The following PDE4C variants were observed in gnomAD, a reference collection of about 807,000 sequenced individuals.
PDE4C encodes 3',5'-cyclic-AMP phosphodiesterase 4C.
PDE4C carries 50 observed loss-of-function variants against 63.9 expected under a neutral mutation model. That is an observed-to-expected ratio of 0.78 (90% CI 0.62 to 0.99). The LOEUF is 0.99. Among genes scored for constraint, PDE4C ranks in the 50% least tolerant of loss-of-function variants. The pLI is 0.00. For missense variants in PDE4C, 777 were observed against 899.1 expected (o/e 0.86, Z 1.74); for synonymous variants, 377 against 385.1 (o/e 0.98, Z 0.25).
At chr19:18,212,584 C>T (rs996683922) in intron 13 of PDE4C, among the ~76,000 whole-genome samples, 1 of 151,868 alleles carries the variant, frequency 6.6e-6, no homozygotes, top group Non-Finnish European at 1.5e-5. Context: ...AAGCAATCCT[C>T]ACACCTTGGC....
rs373558260 is a variant in PDE4C at position 18,211,140 on chromosome 19, G to C, written c.1832C>G (p.Ser611Ter). The C allele has an allele frequency of 6.2e-7, 1 of 1,614,060 alleles. No homozygotes were observed. Among genetic ancestry groups the C allele is most frequent in the African/African-American group, 1.3e-5 (1 of 74,918 alleles). ...GTCCCGCTCGGGGTTGGTGAGGTCT[G>C]AGGGACTTCGGGGGATCTTGCTCTG... is the stretch of plus-strand genomic sequence containing the variant. Residue 611 changes from serine to a stop codon, truncating the protein, a stop_gained, in exon 15 of 15, where the codon TCA becomes TGA. Coordinates refer to ENST00000262805, the Ensembl canonical transcript of PDE4C. LOFTEE classifies it low-confidence loss of function (END_TRUNC).
At chr19:18,216,237 TG>T (rs1968189842) in intron 12 of PDE4C, among the ~76,000 whole-genome samples, 1 of 150,204 alleles carries the variant, frequency 6.7e-6, no homozygotes, top group Non-Finnish European at 1.5e-5. Context: ...GCAGAGGGCC[TG>T]GGGTTTGGGC....
At chr19:18,214,083 C>G (rs1484775974) in intron 12 of PDE4C, among the ~76,000 whole-genome samples, 2 of 152,052 alleles carry the variant, frequency 1.3e-5, no homozygotes, top group East Asian at 3.9e-4. Context: ...ATGGTGAAAC[C>G]CCGTCTCTAC....
At chr19:18,252,616 C>G (rs564691450), upstream of PDE4C, 61 of 300,416 alleles carry the variant, frequency 2.0e-4, no homozygotes, top group Non-Finnish European at 3.0e-4. Context: ...TTCTCTCTCT[C>G]TTTTTTTTTT....
chr19:18,233,720 G>GTGC, upstream of PDE4C: 1 of 342,572 alleles, frequency 2.9e-6, no homozygotes, highest in Non-Finnish European at 5.7e-6. Flanking sequence ...CGACCTGATG[G>GTGC]TGCTGAAGGC....
exon 1 of PDE4C, chr19:18,233,053 A>T (rs1369567387): frequency 6.4e-7 from 1 of 1,567,860 alleles, no homozygotes; most frequent in African/African-American, 1.4e-5. Flanking sequence ...GGATCCGAAT[A>T]GAAGCGCTGT....
intron 4 of PDE4C, 81 bp from the exon 5 acceptor site, chr19:18,221,004 C>A: frequency 1.3e-6 from 2 of 1,526,336 alleles, no homozygotes; most frequent in South Asian, 1.2e-5. Flanking sequence ...CCCCTCAAAC[C>A]CACCTGGAGG....
chr19:18,237,891 A>AAAAAAAC (rs1568267066), upstream of PDE4C, among the ~76,000 whole-genome samples: 2 of 141,610 alleles, frequency 1.4e-5, no homozygotes, highest in Non-Finnish European at 1.5e-5. Flanking sequence ...AAAAAAAAAA[A>AAAAAAAC]AAGTGCCTGG....
At chr19:18,234,510 C>T (rs991009097), upstream of PDE4C, among the ~76,000 whole-genome samples, 1 of 152,146 alleles carries the variant, frequency 6.6e-6, no homozygotes, top group African/African-American at 2.4e-5. Flanking sequence ...CTGAAGTAGG[C>T]ATGAACAGCA....
At chr19:18,240,784 G>T (rs1182988084) in intron 1 of PDE4C, among the ~76,000 whole-genome samples, 1 of 152,208 alleles carries the variant, frequency 6.6e-6, no homozygotes, top group African/African-American at 2.4e-5. Context: ...ACCAGAGCCA[G>T]GGCAAAGTGG....
chr19:18,213,107 C>T (rs1002426495), intron 13 of PDE4C, among the ~76,000 whole-genome samples: 4 of 150,502 alleles, frequency 2.7e-5, no homozygotes, highest in African/African-American at 9.7e-5. Flanking sequence ...ATGGTGAAAC[C>T]CCGTCTCTAC....
chr19:18,219,401 C>A lies in PDE4C; in HGVS notation c.707-4G>T, dbSNP rs757301182. 2 of 1,596,404 alleles carry A rather than the reference C, an allele frequency of 1.3e-6. No homozygotes were observed. The highest frequency in any genetic ancestry group is 1.7e-6 in the Non-Finnish European group (2 of 1,170,626). ...AGCTCCACCTCGGTCTGCTGGTCTG[C>A]GGATGGGCCAGGGTGAAGCTCAGAG... On this transcript the variant is annotated splice_region_variant and splice_polypyrimidine_tract_variant and intron_variant, in intron 7 of 14. Transcript: ENST00000262805.
At chr19:18,241,908 C>T (rs1969047642) in intron 1 of PDE4C, among the ~76,000 whole-genome samples, 1 of 152,154 alleles carries the variant, frequency 6.6e-6, no homozygotes, top group Non-Finnish European at 1.5e-5. Context: ...TCCCTGCACA[C>T]ATTCCTATTT....
At chr19:18,226,575 A>G, upstream of PDE4C, 7 of 375,946 alleles carry the variant, frequency 1.9e-5, no homozygotes, top group South Asian at 2.1e-4. Flanking sequence ...GGGGAAACTG[A>G]GGCACAGAGT....
At chr19:18,236,450 C>T (rs180882114), upstream of PDE4C, among the ~76,000 whole-genome samples, 88 of 152,202 alleles carry the variant, frequency 5.8e-4, no homozygotes, top group Middle Eastern at 0.024. Flanking sequence ...CTCGAACTCC[C>T]GATCTCAAGT....
upstream of PDE4C, among the ~76,000 whole-genome samples, chr19:18,229,102 ATTTTTTTTT>A (rs56379821): frequency 8.0e-6 from 1 of 124,552 alleles, no homozygotes. Context: ...TGCCAAGCTA[ATTTTTTTTT>A]TTTTTTTTTT....
At chr19:18,252,144 G>T, upstream of PDE4C, 1 of 399,344 alleles carries the variant, frequency 2.5e-6, no homozygotes, top group East Asian at 3.6e-5. Context: ...GCTCCAGTGC[G>T]GGGTCAGGGA....
At chr19:18,240,652 T>C (rs1284931076) in intron 1 of PDE4C, among the ~76,000 whole-genome samples, 2 of 151,966 alleles carry the variant, frequency 1.3e-5, no homozygotes, top group Non-Finnish European at 2.9e-5. Context: ...CGCTTGAACC[T>C]GGGAGGCAGA....
At chr19:18,235,037 G>T (rs1175316408), upstream of PDE4C, among the ~76,000 whole-genome samples, 1 of 152,074 alleles carries the variant, frequency 6.6e-6, no homozygotes, top group Non-Finnish European at 1.5e-5. Flanking sequence ...GAATAATAAT[G>T]GTGTCTCCAA....
Sources: gnomAD v4.1 joint callset for allele counts (sites outside exome capture counted in the v4.1 genomes callset) on GRCh38, gnomAD v4.1.1 for gene constraint, MANE v1.5 for transcripts, NCBI Gene and HGNC (gene_info 2026-07-23, HGNC 2026-07-21) for gene names.